The following ZC3H12B variants were observed in gnomAD, a reference collection of about 807,000 sequenced individuals.
ZC3H12B encodes the protein probable ribonuclease ZC3H12B.
A neutral mutation model predicts 43.9 loss-of-function variants in ZC3H12B; 7 were observed. The observed-to-expected ratio is 0.16, with a 90% CI of 0.09 to 0.30. The LOEUF (loss-of-function observed/expected upper bound fraction) is 0.30, where lower values mean the gene tolerates loss of function less well. Among genes scored for constraint, ZC3H12B ranks in the 10% least tolerant of loss-of-function variants. ZC3H12B has a pLI of 1.00. For missense variants in ZC3H12B, 475 were observed against 670.2 expected (o/e 0.71, Z 3.22); for synonymous variants, 222 against 241.7 (o/e 0.92, Z 0.76).
intron 3 of ZC3H12B, among the ~76,000 whole-genome samples, chrX:65,450,701 GTATA>G (rs1216576454): frequency 7.5e-5 from 2 of 26,671 alleles, no homozygotes; most frequent in Admixed American, 1.1e-3. Context: ...ATACATATGT[GTATA>G]TATGTATATG....
At chrX:65,474,991 T>G (rs2148202927) in intron 3 of ZC3H12B, among the ~76,000 whole-genome samples, 1 of 112,407 alleles carries the variant, frequency 8.9e-6, no homozygotes, top group Non-Finnish European at 1.9e-5. Context: ...ATTAAAGGTT[T>G]TCTGGCAGTT....
At chrX:65,067,333 C>A in the ZC3H12B span, among the ~76,000 whole-genome samples, 2 of 112,099 alleles carry the variant, frequency 1.8e-5, no homozygotes, top group Non-Finnish European at 3.8e-5. Context: ...AGTGTAGTAT[C>A]TGGGCTGGAT....
chrX:65,382,968 G>A (rs187222881), intron 2 of ZC3H12B, among the ~76,000 whole-genome samples: 1,440 of 111,011 alleles, frequency 0.013, 8 homozygotes, highest in Middle Eastern at 0.028. Flanking sequence ...ACAAACAAAT[G>A]GAAGAACATT....
intron 3 of ZC3H12B, among the ~76,000 whole-genome samples, chrX:65,431,210 T>C (rs1021684264): frequency 8.9e-6 from 1 of 112,614 alleles, no homozygotes; most frequent in African/African-American, 3.2e-5. Flanking sequence ...TGTAAGTCCA[T>C]GGATGGTAGT....
At chrX:65,464,967 C>T (rs979959276) in intron 3 of ZC3H12B, among the ~76,000 whole-genome samples, 1 of 110,589 alleles carries the variant, frequency 9.0e-6, no homozygotes, top group East Asian at 2.8e-4. Context: ...TATTTAATTT[C>T]ATTTTAGAGA....
chrX:65,088,905 T>C, the ZC3H12B span, among the ~76,000 whole-genome samples: 1 of 111,653 alleles, frequency 9.0e-6, no homozygotes, highest in Admixed American at 9.6e-5. Flanking sequence ...ATTTGTGCCT[T>C]GGTTCTTCTG....
At chrX:65,246,844 C>T in the ZC3H12B span, among the ~76,000 whole-genome samples, 16 of 111,716 alleles carry the variant, frequency 1.4e-4, no homozygotes, top group South Asian at 3.7e-4. Flanking sequence ...ACATAGACAC[C>T]GGCAAAGATT....
the ZC3H12B span, among the ~76,000 whole-genome samples, chrX:65,077,023 T>C: frequency 8.9e-6 from 1 of 111,937 alleles, no homozygotes; most frequent in South Asian, 3.7e-4. Context: ...ATTTTAGGAA[T>C]CTCTTGATTC....
chrX:65,237,238 AGTTT>A, the ZC3H12B span, among the ~76,000 whole-genome samples: 555 of 109,979 alleles, frequency 5.0e-3, 1 homozygote, highest in Middle Eastern at 0.014. Flanking sequence ...AGTGGTTTGT[AGTTT>A]GTTTGTTTGT....
chrX:65,088,545 A>G, the ZC3H12B span, among the ~76,000 whole-genome samples: 1 of 111,913 alleles, frequency 8.9e-6, no homozygotes, highest in Non-Finnish European at 1.9e-5. Flanking sequence ...TAGGATACTT[A>G]CCATGTGTTC....
the ZC3H12B span, among the ~76,000 whole-genome samples, chrX:65,360,224 C>T: frequency 8.9e-6 from 1 of 112,318 alleles, no homozygotes; most frequent in Non-Finnish European, 1.9e-5. Context: ...GTGATATTTA[C>T]GTTGTTACAA....
chrX:65,275,714 T>G, the ZC3H12B span, among the ~76,000 whole-genome samples: 3 of 112,276 alleles, frequency 2.7e-5, no homozygotes, highest in Non-Finnish European at 5.6e-5. Context: ...TCCTACAAAA[T>G]GTACTCCATA....
the ZC3H12B span, among the ~76,000 whole-genome samples, chrX:65,251,860 A>G: frequency 1.3e-4 from 15 of 111,530 alleles, no homozygotes; most frequent in African/African-American, 4.6e-4. Flanking sequence ...TTTTCTAGAT[A>G]TACAATCATG....
At chrX:65,348,718 C>G in the ZC3H12B span, among the ~76,000 whole-genome samples, 24 of 109,335 alleles carry the variant, frequency 2.2e-4, no homozygotes, top group Admixed American at 5.9e-4. Context: ...GAGTTGAAAC[C>G]CTAATCTCTG....
At chrX:65,078,890 T>C in the ZC3H12B span, among the ~76,000 whole-genome samples, 2 of 111,891 alleles carry the variant, frequency 1.8e-5, no homozygotes, top group Non-Finnish European at 3.8e-5. Flanking sequence ...TTATACTTTT[T>C]TAGTTAATTA....
At chrX:65,196,151 C>A in the ZC3H12B span, among the ~76,000 whole-genome samples, 2 of 101,344 alleles carry the variant, frequency 2.0e-5, no homozygotes, top group African/African-American at 7.3e-5. Context: ...AGTGCCCCCT[C>A]GAAAGGTGCG....
chrX:65,260,359 A>G, the ZC3H12B span, among the ~76,000 whole-genome samples: 1 of 111,156 alleles, frequency 9.0e-6, no homozygotes. Flanking sequence ...AAAGAACTCT[A>G]CAATGAAAAT....
chrX:65,157,375 A>G, the ZC3H12B span, among the ~76,000 whole-genome samples: 1 of 112,341 alleles, frequency 8.9e-6, no homozygotes, highest in Non-Finnish European at 1.9e-5. Flanking sequence ...TCTAATATAA[A>G]TATTTAAAAC....
the ZC3H12B span, among the ~76,000 whole-genome samples, chrX:65,333,870 C>T: frequency 8.9e-6 from 1 of 111,739 alleles, no homozygotes; most frequent in African/African-American, 3.2e-5. Flanking sequence ...AACAATTTTA[C>T]ACAACAATTA....
Sources: gnomAD v4.1 joint callset for allele counts (sites outside exome capture counted in the v4.1 genomes callset) on GRCh38, gnomAD v4.1.1 for gene constraint, MANE v1.5 for transcripts, NCBI Gene and HGNC (gene_info 2026-07-23, HGNC 2026-07-21) for gene names.